Variants in TENM2 observed in about 807,000 individuals in gnomAD.
TENM2 encodes teneurin-2.
Under a neutral mutation model 245.2 loss-of-function variants are expected in TENM2, and 52 were observed. The ratio of observed to expected loss-of-function variants is 0.21; its 90% CI spans 0.17 to 0.27. The LOEUF (loss-of-function observed/expected upper bound fraction) is 0.27. TENM2 is among the 10% of genes least tolerant of loss of function. The pLI is 1.00. For missense variants in TENM2, 3,046 were observed against 3,666.8 expected, an observed-to-expected ratio of 0.83 and a Z score of 4.37; for synonymous variants, 1,363 against 1,438.9, an observed-to-expected ratio of 0.95 and a Z score of 1.19.
chr5:167,615,034 G>A (rs751828484), intron 2 of TENM2, among the ~76,000 whole-genome samples: 1 of 152,104 alleles, frequency 6.6e-6, no homozygotes, highest in Non-Finnish European at 1.5e-5. Context: ...TTATGTAAAC[G>A]AGGACTCTAA....
At chr5:168,024,477 C>T (rs1357094851) in intron 5 of TENM2, among the ~76,000 whole-genome samples, 1 of 152,168 alleles carries the variant, frequency 6.6e-6, no homozygotes, top group Non-Finnish European at 1.5e-5. Context: ...TGGGGAGTTT[C>T]GAAGCAGCAG....
intron 3 of TENM2, among the ~76,000 whole-genome samples, chr5:167,945,127 A>T (rs1016511521): frequency 6.6e-6 from 1 of 152,188 alleles, no homozygotes; most frequent in Non-Finnish European, 1.5e-5. Flanking sequence ...TTGTTCATTC[A>T]TTCATTCATT....
the TENM2 span, among the ~76,000 whole-genome samples, chr5:167,270,483 A>C: frequency 5.3e-5 from 8 of 152,238 alleles, no homozygotes; most frequent in East Asian, 1.6e-3. Flanking sequence ...AGAAGTGGAA[A>C]CTGAGGCCTA....
rs371343405 is a variant in TENM2 at position 168,162,634 on chromosome 5, G to A, written c.2446G>A (p.Gly816Ser). 10 of 1,613,822 alleles carry A rather than the reference G, an allele frequency of 6.2e-6. No individual in the cohort carries two copies. The South Asian group carries it at 6.6e-5, about 11-fold the overall frequency. Residue 816 changes from glycine (G) to serine (S), a missense_variant, in exon 13 of 29, where the codon GGT becomes AGT. Gly to Ser is a moderately conservative substitution (Grantham distance 56). This residue lies in a region of TENM2 where 2,704 missense variants were observed against 3,331.9 expected (regional missense o/e 0.81). Transcript: ENST00000518659. Reference sequence around the variant, plus strand: ...AGATGGCTGCCCTGACTTGTGCAACGGTAACGGGAGATGCACACTGGGTCA... The same window carrying A: ...AGATGGCTGCCCTGACTTGTGCAACAGTAACGGGAGATGCACACTGGGTCA...
intron 7 of TENM2, 37 bp downstream of exon 9, chr5:168,062,302 A>AATATATACACACACAC: frequency 2.6e-6 from 4 of 1,550,792 alleles, no homozygotes; most frequent in Non-Finnish European, 3.6e-6. Context: ...CATTTAAAAA[A>AATATATACACACACAC]ATATATACGT....
chr5:167,098,561 G>C, the TENM2 span, among the ~76,000 whole-genome samples: 1 of 151,992 alleles, frequency 6.6e-6, no homozygotes, highest in African/African-American at 2.4e-5. Context: ...GTTTCTGCCT[G>C]TTTTCTTATT....
chr5:167,015,264 T>C, the TENM2 span, among the ~76,000 whole-genome samples: 1 of 152,328 alleles, frequency 6.6e-6, no homozygotes, highest in South Asian at 2.1e-4. Context: ...CGTACTCTTC[T>C]AAAATGCGAT....
At chr5:167,307,822 C>G (rs1354810453) in intron 1 of TENM2, 1 of 152,214 alleles carries the variant, frequency 6.6e-6, no homozygotes, top group East Asian at 1.9e-4. Flanking sequence ...TCTCCAGTAT[C>G]CATACAATGT....
At chr5:167,570,674 C>T (rs946962151) in intron 2 of TENM2, among the ~76,000 whole-genome samples, 6 of 152,102 alleles carry the variant, frequency 3.9e-5, no homozygotes, top group Admixed American at 6.6e-5. Flanking sequence ...TGCATTTCAC[C>T]GCCCTTCATG....
At chr5:167,005,794 T>G in the TENM2 span, among the ~76,000 whole-genome samples, 3 of 151,328 alleles carry the variant, frequency 2.0e-5, no homozygotes, top group East Asian at 3.9e-4. Context: ...CCTGAGTAGC[T>G]GGGATTACAG....
chr5:167,423,206 A>T (rs1044067760), intron 2 of TENM2, among the ~76,000 whole-genome samples: 1 of 152,104 alleles, frequency 6.6e-6, no homozygotes, highest in Non-Finnish European at 1.5e-5. Flanking sequence ...TTTAAATAAA[A>T]TTATTGTAGC....
the TENM2 span, among the ~76,000 whole-genome samples, chr5:166,994,114 C>G: frequency 2.0e-5 from 3 of 152,290 alleles, no homozygotes; most frequent in South Asian, 6.2e-4. Context: ...CAGGTTACCT[C>G]TGCACCCTGA....
At chr5:168,204,464 A>C (rs774771773) in exon 19 of TENM2, 1 of 1,613,948 alleles carries the variant, frequency 6.2e-7, no homozygotes, top group Non-Finnish European at 8.5e-7. Flanking sequence ...CCGCCGGAGC[A>C]TTTCCTGTCC....
chr5:168,137,263 T>G (rs1755136128), intron 12 of TENM2, among the ~76,000 whole-genome samples: 1 of 152,210 alleles, frequency 6.6e-6, no homozygotes, highest in African/African-American at 2.4e-5. Context: ...GGTTAGAGGT[T>G]GGCCCAGAAG....
the TENM2 span, among the ~76,000 whole-genome samples, chr5:166,980,796 C>A: frequency 1.3e-5 from 2 of 152,250 alleles, no homozygotes; most frequent in African/African-American, 4.8e-5. Context: ...TCCTGAGAAA[C>A]CCTGAACTCT....
Position 168,093,859 on chromosome 5 carries a change from C to T in TENM2, c.1711+3090C>T, listed in dbSNP as rs1174858897. ...GCTCCTTTATATTTTAGCTTTGCCA[C>T]GTCATTGTTTTTCCCTCAGAAACTG... On this transcript the variant is annotated intron_variant, in intron 8 of 28. Transcript: ENST00000518659. 2.6e-5 allele frequency among the ~76,000 whole-genome samples: 4 copies of T among 152,224 alleles called. No individual in the cohort carries two copies. The South Asian group carries it at 6.2e-4, about 24-fold the overall frequency.
chr5:167,729,459 C>T (rs1193575796), intron 2 of TENM2, among the ~76,000 whole-genome samples: 1 of 152,064 alleles, frequency 6.6e-6, no homozygotes, highest in African/African-American at 2.4e-5. Flanking sequence ...GAAATTAATA[C>T]CCTTATTTAG....
intron 2 of TENM2, among the ~76,000 whole-genome samples, chr5:167,698,107 C>T (rs1757888354): frequency 6.6e-6 from 1 of 152,180 alleles, no homozygotes; most frequent in Admixed American, 6.5e-5. Context: ...ATTGTATGCA[C>T]TGATCTTGTG....
intron 2 of TENM2, among the ~76,000 whole-genome samples, chr5:167,397,964 G>A (rs1762151783): frequency 1.3e-5 from 2 of 152,082 alleles, no homozygotes; most frequent in Non-Finnish European, 2.9e-5. Flanking sequence ...GTATTTTTAT[G>A]AAGAAAATAT....
Sources: gnomAD v4.1 joint callset for allele counts (sites outside exome capture counted in the v4.1 genomes callset) on GRCh38, gnomAD v4.1.1 for gene constraint, gnomAD v4.1.1 regional missense constraint, MANE v1.5 for transcripts, NCBI Gene and HGNC (gene_info 2026-07-23, HGNC 2026-07-21) for gene names.